Variants in GPC6 observed in about 807,000 individuals in gnomAD.
The protein encoded by GPC6 is glypican-6.
Under a neutral mutation model 55.2 loss-of-function variants are expected in GPC6, and 14 were observed. The observed-to-expected ratio is 0.25, with a 90% CI of 0.17 to 0.40. GPC6 has a LOEUF of 0.40. GPC6 is among the 10% of genes least tolerant of loss of function. The pLI, the probability that GPC6 is intolerant of heterozygous loss-of-function variation, is 1.00. For missense variants in GPC6, 641 were observed against 708.5 expected, an observed-to-expected ratio of 0.90 and a Z score of 1.08; for synonymous variants, 278 against 259.6, an observed-to-expected ratio of 1.07 and a Z score of -0.68.
At chr13:93,561,653 G>T (rs1007920886) in intron 2 of GPC6, among the ~76,000 whole-genome samples, 1 of 151,762 alleles carries the variant, frequency 6.6e-6, no homozygotes, top group East Asian at 1.9e-4. Flanking sequence ...AGTCATGCTG[G>T]GTGCTCATTG....
chr13:94,104,355 C>A (rs1885977223), intron 4 of GPC6, among the ~76,000 whole-genome samples: 1 of 152,074 alleles, frequency 6.6e-6, no homozygotes, highest in Non-Finnish European at 1.5e-5. Flanking sequence ...AAACCCACAG[C>A]CAATATCATA....
At chr13:94,120,220 C>T (rs2138852460) in intron 4 of GPC6, among the ~76,000 whole-genome samples, 1 of 152,160 alleles carries the variant, frequency 6.6e-6, no homozygotes, top group East Asian at 1.9e-4. Flanking sequence ...CACCACCAGA[C>T]TGTAGAAGGA....
chr13:94,117,895 C>T (rs1472264136), intron 4 of GPC6, among the ~76,000 whole-genome samples: 1 of 152,010 alleles, frequency 6.6e-6, no homozygotes, highest in Non-Finnish European at 1.5e-5. Flanking sequence ...TAGGAGCATG[C>T]TTGGAAAATT....
At chr13:93,292,639 G>C (rs772822697) in intron 1 of GPC6, among the ~76,000 whole-genome samples, 1 of 152,084 alleles carries the variant, frequency 6.6e-6, no homozygotes, top group Non-Finnish European at 1.5e-5. Context: ...GTATTGATGT[G>C]TTTGTAATAC....
chr13:94,065,130 A>G (rs1457074672), intron 4 of GPC6, among the ~76,000 whole-genome samples: 1 of 152,136 alleles, frequency 6.6e-6, no homozygotes, highest in African/African-American at 2.4e-5. Flanking sequence ...CTCAGTAGTA[A>G]ATCCTCACAC....
intron 5 of GPC6, among the ~76,000 whole-genome samples, chr13:94,288,184 A>G (rs145788386): frequency 2.0e-4 from 30 of 152,260 alleles, no homozygotes; most frequent in African/African-American, 7.0e-4. Context: ...AACATAACAT[A>G]GCACCAGACA....
At chr13:93,543,271 A>G (rs908295960) in intron 1 of GPC6, among the ~76,000 whole-genome samples, 1 of 152,150 alleles carries the variant, frequency 6.6e-6, no homozygotes, top group African/African-American at 2.4e-5. Flanking sequence ...TTCTGCCTCT[A>G]TTGAGATAAT....
chr13:94,009,917 T>C (rs988764915), intron 3 of GPC6, among the ~76,000 whole-genome samples: 2 of 152,174 alleles, frequency 1.3e-5, no homozygotes, highest in Non-Finnish European at 2.9e-5. Flanking sequence ...AGGAATTCAG[T>C]TGGCATTGCT....
At chr13:94,240,878 A>G (rs1262633422) in intron 4 of GPC6, among the ~76,000 whole-genome samples, 2 of 152,114 alleles carry the variant, frequency 1.3e-5, no homozygotes, top group Non-Finnish European at 2.9e-5. Flanking sequence ...TCCTGAGGGT[A>G]TATTGCACAA....
At chr13:93,425,288 C>T (rs902047777) in intron 1 of GPC6, among the ~76,000 whole-genome samples, 12 of 152,206 alleles carry the variant, frequency 7.9e-5, no homozygotes, top group African/African-American at 2.9e-4. Flanking sequence ...ACACCGATTC[C>T]CACTTCCATG....
At chr13:93,883,897 A>G (rs1458971681) in intron 3 of GPC6, among the ~76,000 whole-genome samples, 2 of 152,150 alleles carry the variant, frequency 1.3e-5, no homozygotes, top group Non-Finnish European at 2.9e-5. Context: ...TAAAACAAAA[A>G]CAATCCATCT....
intron 1 of GPC6, among the ~76,000 whole-genome samples, chr13:93,379,787 A>G (rs1474046346): frequency 1.3e-5 from 2 of 152,184 alleles, no homozygotes; most frequent in Admixed American, 6.5e-5. Context: ...AAATATATGT[A>G]ACTTTTATTA....
At position 93,881,860 on chromosome 13, in the gene GPC6, G is replaced by T. The variant is rs942315128; in HGVS notation, c.711+51315G>T. 9.2e-5 allele frequency among the ~76,000 whole-genome samples: 14 copies of T among 152,066 alleles called. No homozygotes were observed. The South Asian group carries it at 1.7e-3, about 18-fold the overall frequency. ...GGGAGAAACCTGGCTTCCATGATCTGCCATTTATTCTCTTATTTGTTCAAC... is the reference window on the plus strand; with the variant it reads ...GGGAGAAACCTGGCTTCCATGATCTTCCATTTATTCTCTTATTTGTTCAAC... On this transcript the variant is annotated intron_variant, in intron 3 of 8. Transcript: ENST00000377047.
chr13:93,931,526 G>A (rs1878174250), intron 3 of GPC6, among the ~76,000 whole-genome samples: 1 of 151,988 alleles, frequency 6.6e-6, no homozygotes, highest in Admixed American at 6.6e-5. Flanking sequence ...CACTTTGGGA[G>A]GCCAAGGCGG....
At chr13:93,653,661 TA>T (rs1490677360) in intron 2 of GPC6, among the ~76,000 whole-genome samples, 1 of 151,798 alleles carries the variant, frequency 6.6e-6, no homozygotes, top group Admixed American at 6.6e-5. Context: ...ATTTTTCTGA[TA>T]AGAAATAGAC....
At chr13:93,562,193 G>A (rs551229936) in intron 2 of GPC6, among the ~76,000 whole-genome samples, 7 of 151,962 alleles carry the variant, frequency 4.6e-5, no homozygotes, top group African/African-American at 1.2e-4. Flanking sequence ...CTTATTTAGT[G>A]CCGTTACCAG....
chr13:93,495,718 C>T (rs924941108), intron 1 of GPC6, among the ~76,000 whole-genome samples: 4 of 127,534 alleles, frequency 3.1e-5, no homozygotes, highest in African/African-American at 8.8e-5. Context: ...GATGTCCTTT[C>T]TGTTTGTTAG....
chr13:93,272,229 G>A (rs1877554521), intron 1 of GPC6, among the ~76,000 whole-genome samples: 1 of 151,794 alleles, frequency 6.6e-6, no homozygotes, highest in African/African-American at 2.4e-5. Flanking sequence ...ATAGTTCAGT[G>A]GTAATTTTAA....
intron 4 of GPC6, among the ~76,000 whole-genome samples, chr13:94,107,394 A>G (rs1364734428): frequency 6.6e-6 from 1 of 152,062 alleles, no homozygotes; most frequent in Non-Finnish European, 1.5e-5. Context: ...TTATTTCTAC[A>G]TTTGCTGGCC....
Sources: gnomAD v4.1 joint callset for allele counts (sites outside exome capture counted in the v4.1 genomes callset) on GRCh38, gnomAD v4.1.1 for gene constraint, MANE v1.5 for transcripts, NCBI Gene and HGNC (gene_info 2026-07-23, HGNC 2026-07-21) for gene names.